The following FEZ2 variants were observed in gnomAD, a reference collection of about 807,000 sequenced individuals.
FEZ2 encodes fasciculation and elongation protein zeta-2.
Under a neutral mutation model 40.4 loss-of-function variants are expected in FEZ2, and 51 were observed. The observed-to-expected ratio is 1.26, with a 90% CI of 1.01 to 1.59. The LOEUF (loss-of-function observed/expected upper bound fraction) is 1.59, where lower values mean the gene tolerates loss of function less well. FEZ2 is among the 40% of genes most tolerant of loss of function. FEZ2 has a pLI of 0.00. For missense variants in FEZ2, 640 were observed against 438.3 expected, an observed-to-expected ratio of 1.46 and a Z score of -4.11; for synonymous variants, 242 against 172.0, an observed-to-expected ratio of 1.41 and a Z score of -3.18.
chr2:36,560,756 G>T, intron 5 of FEZ2: 1 of 1,432,188 alleles, frequency 7.0e-7, no homozygotes, highest in South Asian at 1.2e-5. Context: ...AAAAAGCAGA[G>T]AATGAGGAAA....
intron 6 of FEZ2, chr2:36,556,164 TAAAG>T: frequency 2.6e-6 from 1 of 382,320 alleles, no homozygotes; most frequent in South Asian, 2.1e-5. Flanking sequence ...GAGAAACTCT[TAAAG>T]AAATGGACAG....
chr2:36,566,960 T>A (rs1260536607), intron 5 of FEZ2, among the ~76,000 whole-genome samples: 2 of 151,004 alleles, frequency 1.3e-5, no homozygotes, highest in African/African-American at 2.5e-5. Flanking sequence ...ACACACACTC[T>A]CTCTCTCTCT....
intron 5 of FEZ2, among the ~76,000 whole-genome samples, chr2:36,571,006 C>T (rs1166255231): frequency 6.6e-6 from 1 of 152,112 alleles, no homozygotes; most frequent in Non-Finnish European, 1.5e-5. Flanking sequence ...CTGATTTTTA[C>T]TACATTAACT....
intron 5 of FEZ2, among the ~76,000 whole-genome samples, chr2:36,570,705 A>C (rs1668383775): frequency 6.6e-6 from 1 of 152,230 alleles, no homozygotes; most frequent in South Asian, 2.1e-4. Context: ...CTAGGCTACA[A>C]ACCTATATAG....
chr2:36,578,511 T>G, intron 5 of FEZ2, 86 bp downstream of exon 5: 5 of 1,392,334 alleles, frequency 3.6e-6, no homozygotes, highest in Non-Finnish European at 4.9e-6. Flanking sequence ...ATGTACAACC[T>G]GTCGCACCTG....
chr2:36,596,003 C>T (rs1347535542), intron 1 of FEZ2, among the ~76,000 whole-genome samples: 1 of 152,206 alleles, frequency 6.6e-6, no homozygotes, highest in Non-Finnish European at 1.5e-5. Flanking sequence ...TACATCTACA[C>T]TAATTTTTAA....
At chr2:36,568,695 A>T (rs1339658010) in intron 5 of FEZ2, among the ~76,000 whole-genome samples, 3 of 152,188 alleles carry the variant, frequency 2.0e-5, no homozygotes, top group Non-Finnish European at 4.4e-5. Flanking sequence ...TGTTGCCCTC[A>T]CTACTGACAA....
chr2:36,558,863 A>G (rs1668022877), intron 5 of FEZ2: 1 of 162,484 alleles, frequency 6.2e-6, no homozygotes, highest in Non-Finnish European at 1.3e-5. Flanking sequence ...ATTTTTCAAC[A>G]CATTTTAAAA....
At chr2:36,592,288 A>C (rs1669093790) in intron 1 of FEZ2, among the ~76,000 whole-genome samples, 1 of 152,054 alleles carries the variant, frequency 6.6e-6, no homozygotes, top group Non-Finnish European at 1.5e-5. Context: ...TTTTTTTTTA[A>C]GTTCCGGGGT....
At chr2:36,578,053 T>C (rs972154279) in intron 5 of FEZ2, among the ~76,000 whole-genome samples, 1 of 152,244 alleles carries the variant, frequency 6.6e-6, no homozygotes, top group South Asian at 2.1e-4. Flanking sequence ...AGAAATAGTC[T>C]AGTCTGCCAA....
intron 6 of FEZ2, chr2:36,555,985 T>G (rs1667949752): frequency 1.6e-6 from 1 of 629,796 alleles, no homozygotes; most frequent in South Asian, 1.5e-5. Flanking sequence ...ACCTGAGAGT[T>G]GCTTCCCTGA....
chr2:36,571,524 C>T (rs1304801470), intron 5 of FEZ2, among the ~76,000 whole-genome samples: 3 of 151,448 alleles, frequency 2.0e-5, no homozygotes, highest in East Asian at 1.9e-4. Context: ...AGTGTGCTGG[C>T]GGGCGCCGTC....
chr2:36,573,913 C>T (rs566815620), intron 5 of FEZ2, among the ~76,000 whole-genome samples: 1 of 152,308 alleles, frequency 6.6e-6, no homozygotes, highest in East Asian at 1.9e-4. Context: ...CACTTCTACA[C>T]AATAATTTGA....
chr2:36,576,178 G>T (rs1373367630), intron 5 of FEZ2, among the ~76,000 whole-genome samples: 1 of 152,062 alleles, frequency 6.6e-6, no homozygotes, highest in Non-Finnish European at 1.5e-5. Context: ...TTCACTTTGG[G>T]TTTCTTTTGA....
At chr2:36,587,534 CAT>C (rs1441077041) in intron 2 of FEZ2, among the ~76,000 whole-genome samples, 2 of 152,208 alleles carry the variant, frequency 1.3e-5, no homozygotes, top group Non-Finnish European at 2.9e-5. Context: ...CTAAAAAAGA[CAT>C]ATCAAATTTA....
At chr2:36,574,649 A>C (rs1414992262) in intron 5 of FEZ2, among the ~76,000 whole-genome samples, 3 of 149,806 alleles carry the variant, frequency 2.0e-5, no homozygotes, top group African/African-American at 7.3e-5. Context: ...ATGAGTGAGA[A>C]AAAAAAAAAA....
chr2:36,568,075 G>A (rs946085458), intron 5 of FEZ2, among the ~76,000 whole-genome samples: 1 of 152,168 alleles, frequency 6.6e-6, no homozygotes, highest in African/African-American at 2.4e-5. Context: ...GAGAGCAGAT[G>A]CGGTATTATT....
intron 5 of FEZ2, among the ~76,000 whole-genome samples, chr2:36,571,938 C>T (rs1218352007): frequency 7.0e-6 from 1 of 142,410 alleles, no homozygotes; most frequent in African/African-American, 2.6e-5. Flanking sequence ...TCGCTGGAAC[C>T]GGGGATGCGG....
chr2:36,566,627 C>G (rs1007691097), intron 5 of FEZ2, among the ~76,000 whole-genome samples: 2 of 152,238 alleles, frequency 1.3e-5, no homozygotes, highest in Non-Finnish European at 2.9e-5. Flanking sequence ...CAGTGGGATA[C>G]TTCCAGATTT....
Sources: gnomAD v4.1 joint callset for allele counts (sites outside exome capture counted in the v4.1 genomes callset) on GRCh38, gnomAD v4.1.1 for gene constraint, MANE v1.5 for transcripts, NCBI Gene and HGNC (gene_info 2026-07-23, HGNC 2026-07-21) for gene names.